ZFHX3: variants seen among roughly 807,000 people sequenced by gnomAD.
ZFHX3 encodes the protein zinc finger homeobox protein 3.
ZFHX3 carries 42 observed loss-of-function variants against 279.1 expected under a neutral mutation model. The ratio of observed to expected loss-of-function variants is 0.15; its 90% CI spans 0.12 to 0.19. ZFHX3 has a LOEUF of 0.19. Ranked by LOEUF, ZFHX3 falls within the 10% of genes least tolerant of loss-of-function variation. The pLI is 1.00. For synonymous variants in ZFHX3, 2,293 were observed against 1,957.8 expected, an observed-to-expected ratio of 1.17 and a Z score of -4.52; for missense variants, 4,981 against 4,754.0, an observed-to-expected ratio of 1.05 and a Z score of -1.40.
At chr16:73,385,413 T>G (rs2016882777) in intron 3 of ZFHX3, among the ~76,000 whole-genome samples, 1 of 152,188 alleles carries the variant, frequency 6.6e-6, no homozygotes, top group South Asian at 2.1e-4. Flanking sequence ...CTGCCTGTCT[T>G]GGAGCTGAGG....
intron 7 of ZFHX3, among the ~76,000 whole-genome samples, chr16:73,105,929 A>ACCCCCCCCCCCCC (rs34679627): frequency 2.4e-4 from 27 of 110,820 alleles, no homozygotes; most frequent in African/African-American, 4.5e-4. Flanking sequence ...ATGTACACGG[A>ACCCCCCCCCCCCC]CCCCCTCCCC....
chr16:73,605,883 A>C (rs961704153), intron 2 of ZFHX3, among the ~76,000 whole-genome samples: 2 of 152,008 alleles, frequency 1.3e-5, no homozygotes, highest in Admixed American at 6.6e-5. Flanking sequence ...TCACAGGGCC[A>C]TTTAAAAAAT....
chr16:73,792,856 AC>A lies in ZFHX3; in HGVS notation c.-1608+98794del, dbSNP rs55813623. Among the ~76,000 whole-genome samples the A allele has an allele frequency of 2.0e-3, 270 of 135,168 alleles. 7 individuals carry two copies. The South Asian group carries it at 0.023, about 11-fold the overall frequency. The allele number at this position is 135,168 out of a possible 152,430, so 88.7% of individuals were successfully genotyped here. On this transcript the variant is annotated intron_variant, in intron 1 of 17. Coordinates refer to the ZFHX3 transcript ENST00000641206. ...AGTTTGGCCCTTGACCATACAGTGCACCCCCCCCCTCCCCTCTCTGCTGTGA... is the reference window on the plus strand; with the variant it reads ...AGTTTGGCCCTTGACCATACAGTGCACCCCCCCCTCCCCTCTCTGCTGTGA...
chr16:73,234,916 C>T (rs1008332836), intron 5 of ZFHX3, among the ~76,000 whole-genome samples: 10 of 152,132 alleles, frequency 6.6e-5, no homozygotes, highest in Non-Finnish European at 1.5e-5. Context: ...TTATTTTAAT[C>T]TCTATCATAC....
At chr16:72,930,720 G>A (rs139303977) in intron 3 of ZFHX3, among the ~76,000 whole-genome samples, 6 of 152,046 alleles carry the variant, frequency 3.9e-5, no homozygotes, top group Non-Finnish European at 7.4e-5. Context: ...AACCTACTAC[G>A]GAAGAAAACA....
At chr16:72,905,593 G>C (rs1034448748) in intron 3 of ZFHX3, among the ~76,000 whole-genome samples, 3 of 152,050 alleles carry the variant, frequency 2.0e-5, no homozygotes, top group Admixed American at 6.6e-5. Context: ...TGCCTCCCAG[G>C]GGGAGTAACT....
At chr16:73,009,749 G>C (rs1334749741) in intron 1 of ZFHX3, among the ~76,000 whole-genome samples, 1 of 152,124 alleles carries the variant, frequency 6.6e-6, no homozygotes, top group Non-Finnish European at 1.5e-5. Flanking sequence ...GGCCAGTCAT[G>C]GTGGCTCACA....
chr16:73,586,068 A>T (rs2051922828), intron 2 of ZFHX3, among the ~76,000 whole-genome samples: 1 of 152,156 alleles, frequency 6.6e-6, no homozygotes, highest in South Asian at 2.1e-4. Flanking sequence ...GACTACAACT[A>T]TATATTGTTT....
chr16:73,497,954 G>T (rs1597358883), intron 2 of ZFHX3, among the ~76,000 whole-genome samples: 1 of 152,178 alleles, frequency 6.6e-6, no homozygotes, highest in Admixed American at 6.5e-5. Flanking sequence ...TTCAACCTAA[G>T]TTATAAATAA....
At chr16:73,603,002 C>G (rs2052137306) in intron 2 of ZFHX3, among the ~76,000 whole-genome samples, 1 of 144,278 alleles carries the variant, frequency 6.9e-6, no homozygotes, top group Non-Finnish European at 1.5e-5. Context: ...GAAAAAGATA[C>G]AGGCCGGGCG....
intron 4 of ZFHX3, among the ~76,000 whole-genome samples, chr16:73,260,693 T>G (rs1367307958): frequency 5.0e-5 from 7 of 139,908 alleles, no homozygotes; most frequent in South Asian, 2.3e-4. Flanking sequence ...TTTTTTTTTT[T>G]TTTTTTTTTT....
At chr16:72,854,036 G>T (rs1384728322) in intron 4 of ZFHX3, among the ~76,000 whole-genome samples, 1 of 152,222 alleles carries the variant, frequency 6.6e-6, no homozygotes, top group Non-Finnish European at 1.5e-5. Flanking sequence ...AGTGTATGCA[G>T]CAGGGACAGT....
intron 2 of ZFHX3, among the ~76,000 whole-genome samples, chr16:73,541,192 T>C (rs1194889793): frequency 6.6e-6 from 1 of 151,998 alleles, no homozygotes; most frequent in Non-Finnish European, 1.5e-5. Flanking sequence ...CCCACTCTCC[T>C]CTCCACAGAC....
At chr16:72,862,011 T>C (rs540157913) in intron 4 of ZFHX3, among the ~76,000 whole-genome samples, 1 of 152,256 alleles carries the variant, frequency 6.6e-6, no homozygotes, top group East Asian at 1.9e-4. Context: ...CAGGACTCCA[T>C]CTCAAAATAA....
At chr16:73,217,589 G>C (rs1470512015) in intron 5 of ZFHX3, among the ~76,000 whole-genome samples, 2 of 152,140 alleles carry the variant, frequency 1.3e-5, no homozygotes, top group African/African-American at 4.8e-5. Context: ...AATGTCAAGT[G>C]CCTCTCGATG....
At chr16:73,543,700 C>T (rs1017801381) in intron 2 of ZFHX3, among the ~76,000 whole-genome samples, 14 of 152,098 alleles carry the variant, frequency 9.2e-5, no homozygotes, top group Admixed American at 1.3e-4. Flanking sequence ...TTTTTTTCCT[C>T]TGCCCAAGTC....
At chr16:73,548,552 G>T (rs143162253) in intron 2 of ZFHX3, among the ~76,000 whole-genome samples, 1 of 150,972 alleles carries the variant, frequency 6.6e-6, no homozygotes, top group African/African-American at 2.4e-5. Context: ...ATTAATGCTC[G>T]TATACAAAGA....
chr16:73,598,036 A>AG (rs1321447374), intron 2 of ZFHX3, among the ~76,000 whole-genome samples: 1 of 152,092 alleles, frequency 6.6e-6, no homozygotes, highest in Non-Finnish European at 1.5e-5. Context: ...TCTCTTCATG[A>AG]GGGGGTACTT....
intron 3 of ZFHX3, among the ~76,000 whole-genome samples, chr16:73,333,943 G>A (rs1007917566): frequency 6.6e-6 from 1 of 152,138 alleles, no homozygotes; most frequent in Admixed American, 6.6e-5. Context: ...GCAGGTGGAA[G>A]TGTTGAGCTG....
Sources: allele counts gnomAD v4.1 joint callset (sites outside exome capture counted in the v4.1 genomes callset), GRCh38; gene constraint gnomAD v4.1.1; transcripts MANE v1.5; gene names NCBI Gene and HGNC (gene_info 2026-07-23, HGNC 2026-07-21).